The following DIAPH1 variants were observed in gnomAD, a reference collection of about 807,000 sequenced individuals.
The protein encoded by DIAPH1 is protein diaphanous homolog 1.
In DIAPH1, 46 loss-of-function variants were observed where a neutral mutation model predicts 140.7. The ratio of observed to expected loss-of-function variants is 0.33; its 90% CI spans 0.26 to 0.42. The LOEUF (loss-of-function observed/expected upper bound fraction) is 0.42, where lower values mean the gene tolerates loss of function less well. Ranked by LOEUF, DIAPH1 falls within the 10% of genes least tolerant of loss-of-function variation. DIAPH1 has a pLI of 1.00. For synonymous variants in DIAPH1, 565 were observed against 551.6 expected (o/e 1.02, Z -0.34); for missense variants, 1,310 against 1,558.7 (o/e 0.84, Z 2.69).
At chr5:141,617,947 G>A (rs546028895) in intron 1 of DIAPH1, among the ~76,000 whole-genome samples, 44 of 152,340 alleles carry the variant, frequency 2.9e-4, no homozygotes, top group African/African-American at 9.9e-4. Flanking sequence ...AGGAGTAGAG[G>A]AGACGGTTAT....
At chr5:141,575,185 ATC>A (rs747281158) in intron 14 of DIAPH1, 39 bp from the exon 15 acceptor site, 1 of 1,607,260 alleles carries the variant, frequency 6.2e-7, no homozygotes, top group South Asian at 1.1e-5. Flanking sequence ...CAAGCTCTCC[ATC>A]TCAGTAAGAA....
intron 18 of DIAPH1, among the ~76,000 whole-genome samples, chr5:141,557,248 AT>A (rs894015607): frequency 6.6e-5 from 10 of 152,252 alleles, no homozygotes; most frequent in African/African-American, 2.2e-4. Context: ...AAAAGTCCTA[AT>A]TTTTTTGACA....
intron 6 of DIAPH1, 133 bp from the exon 7 acceptor site, chr5:141,582,508 G>A: frequency 1.4e-6 from 1 of 693,274 alleles, no homozygotes; most frequent in Non-Finnish European, 2.6e-6. Flanking sequence ...ATAGCACCTT[G>A]CCCAGAACCA....
rs569540493 is a variant in DIAPH1 at position 141,577,873 on chromosome 5, C to G, written c.1164-282G>C. 6.5e-4 allele frequency: 325 copies of G among 497,824 alleles called. 3 individuals carry two copies. The South Asian group carries it at 6.7e-3, about 10-fold the overall frequency. The allele number at this position is 497,824 out of a possible 1,614,324, so 30.8% of individuals were successfully genotyped here. A position where few individuals can be genotyped will look rare whatever the true frequency, so the allele number is the denominator to read the frequency against. The stretch of plus-strand genomic sequence containing the variant: ...ATAAGAGGTAACTGCCTCAAAGTCA[C>G]TTACTGAAAATATTAACAGGTAACT... On this transcript the variant is annotated intron_variant, in intron 11 of 27. Transcript: ENST00000389054.
chr5:141,592,487 T>TAACAACAACAAC (rs200242814), intron 1 of DIAPH1, among the ~76,000 whole-genome samples: 1 of 143,992 alleles, frequency 6.9e-6, no homozygotes, highest in Non-Finnish European at 1.5e-5. Context: ...CATGACAAGT[T>TAACAACAACAAC]AACAACAACA....
At chr5:141,552,324 G>A (rs930135835) in intron 18 of DIAPH1, among the ~76,000 whole-genome samples, 1 of 152,104 alleles carries the variant, frequency 6.6e-6, no homozygotes, top group African/African-American at 2.4e-5. Flanking sequence ...TGAGCTGTCA[G>A]GACTACAGGC....
Position 141,578,639 on chromosome 5 carries a change from A to G in DIAPH1, c.934-14T>C. ...TAGGCATCCAACCTAAAATAAGAAA[A>G]TTCAGCAGCTATGTCAATGCTAACT... On this transcript the variant is annotated splice_polypyrimidine_tract_variant and intron_variant, in intron 9 of 27. Coordinates refer to ENST00000389054, the MANE Select transcript of DIAPH1 (RefSeq NM_005219.5). 1 of 1,599,296 alleles carries G rather than the reference A, an allele frequency of 6.3e-7. No homozygotes were observed. The highest frequency in any genetic ancestry group is 8.6e-7 in the Non-Finnish European group (1 of 1,167,850).
intron 1 of DIAPH1, among the ~76,000 whole-genome samples, chr5:141,588,599 T>C (rs963306294): frequency 3.3e-5 from 5 of 151,894 alleles, no homozygotes; most frequent in African/African-American, 1.2e-4. Flanking sequence ...CACAGTGAGA[T>C]ATCAATTCAC....
At chr5:141,560,458 A>G (rs17524736) in intron 18 of DIAPH1, among the ~76,000 whole-genome samples, 13,403 of 152,274 alleles carry the variant, frequency 0.088, 763 homozygotes, top group South Asian at 0.15. Context: ...AGCAAAGGAC[A>G]TATTAATTCT....
intron 27 of DIAPH1, among the ~76,000 whole-genome samples, 159 bp from the exon 28 acceptor site, chr5:141,517,167 G>A (rs2099885814): frequency 6.6e-6 from 1 of 152,202 alleles, no homozygotes; most frequent in African/African-American, 2.4e-5. Flanking sequence ...TCCAGCATGT[G>A]GAATATATTG....
intron 24 of DIAPH1, 119 bp downstream of exon 24, chr5:141,527,454 A>C (rs2099887539): frequency 8.9e-7 from 1 of 1,124,828 alleles, no homozygotes; most frequent in Non-Finnish European, 1.3e-6. Flanking sequence ...TATTTAAAGA[A>C]AAAGAGTTTT....
rs2099901188 is a variant in DIAPH1 at position 141,607,667 on chromosome 5, C to G, written c.117+11131G>C. 1.3e-5 allele frequency among the ~76,000 whole-genome samples: 2 copies of G among 152,200 alleles called. 1 individual carries two copies. The highest frequency in any genetic ancestry group is 4.1e-4 in the South Asian group (2 of 4,828). On this transcript the variant is annotated intron_variant, in intron 1 of 27. Transcript: ENST00000389054. ...AAATAATTTCTATGAAGTGGCTTTA[C>G]CTTTCTTAAATGGTTCTACTAAACC...
At chr5:141,594,174 T>C (rs2099898934) in intron 1 of DIAPH1, among the ~76,000 whole-genome samples, 1 of 152,206 alleles carries the variant, frequency 6.6e-6, no homozygotes, top group Admixed American at 6.5e-5. Flanking sequence ...CAGTTTCTTA[T>C]AAAACTAAAC....
intron 3 of DIAPH1, among the ~76,000 whole-genome samples, chr5:141,586,330 T>G (rs1032479217): frequency 3.9e-5 from 6 of 152,250 alleles, no homozygotes; most frequent in African/African-American, 1.4e-4. Context: ...CCAGGCCCTG[T>G]GCTAAGGATT....
intron 1 of DIAPH1, among the ~76,000 whole-genome samples, chr5:141,597,967 T>C (rs766070822): frequency 6.6e-6 from 1 of 152,204 alleles, no homozygotes. Flanking sequence ...CTGTTGAATG[T>C]CTAGTACTTG....
chr5:141,578,211 C>T lies in DIAPH1; in HGVS notation c.1163+14G>A. ...ATGTCTCATCTGCCTTGAACCTAGT[C>T]AGCAAAAGGATATTCCATCTCCATG... On this transcript the variant is annotated intron_variant, in intron 11 of 27. Transcript: ENST00000389054. The T allele has an allele frequency of 6.3e-7, 1 of 1,588,008 alleles. No homozygotes were observed. Among genetic ancestry groups the T allele is most frequent in the Non-Finnish European group, 8.6e-7 (1 of 1,156,294 alleles).
At position 141,516,653 on chromosome 5, in the gene DIAPH1, A is replaced by G; in HGVS notation, c.*198T>C. ...TAAGTCGGGCTCAGGCCTCCCCTGC[A>G]CTGCCCTTTCCTTCTGGCCTCCAGG... On this transcript the variant is annotated 3_prime_UTR_variant, in exon 28 of 28. Coordinates refer to ENST00000389054, the MANE Select transcript of DIAPH1 (RefSeq NM_005219.5). 4.5e-6 allele frequency: 3 copies of G among 662,134 alleles called. No homozygotes were observed. Among genetic ancestry groups the G allele is most frequent in the Non-Finnish European group, 8.0e-6 (3 of 375,622 alleles). 41.0% of individuals were successfully genotyped at this position (662,134 alleles called of 1,614,324 possible).
At chr5:141,590,308 G>A (rs1433213486) in intron 1 of DIAPH1, among the ~76,000 whole-genome samples, 1 of 152,158 alleles carries the variant, frequency 6.6e-6, no homozygotes, top group Admixed American at 6.5e-5. Flanking sequence ...AATAGGTCAA[G>A]AGTCCACTGG....
chr5:141,559,167 TTAATGTTAA>T (rs1562309283), intron 18 of DIAPH1, among the ~76,000 whole-genome samples: 1 of 133,004 alleles, frequency 7.5e-6, no homozygotes, highest in Non-Finnish European at 1.8e-5. Flanking sequence ...TAAGAGGGTC[TTAATGTTAA>T]TATAAGTGTT....
Sources: gnomAD v4.1 joint callset for allele counts (sites outside exome capture counted in the v4.1 genomes callset) on GRCh38, gnomAD v4.1.1 for gene constraint, MANE v1.5 for transcripts, NCBI Gene and HGNC (gene_info 2026-07-23, HGNC 2026-07-21) for gene names.